Variants in TMEM50B observed in about 807,000 individuals in gnomAD.
TMEM50B encodes HCV p7-trans-regulated protein 3.
In TMEM50B, 14 loss-of-function variants were observed where a neutral mutation model predicts 23.4. That is an observed-to-expected ratio of 0.60 (90% confidence interval 0.39 to 0.93). The LOEUF is 0.93. Among genes scored for constraint, TMEM50B ranks in the 40% least tolerant of loss-of-function variants. The probability of loss-of-function intolerance (pLI) is 0.00; values close to 1 mark genes in which losing one functional copy is unlikely to be tolerated. For missense variants in TMEM50B, 159 were observed against 193.0 expected (o/e 0.82, Z 1.04); for synonymous variants, 64 against 62.3 (o/e 1.03, Z -0.13).
At chr21:33,461,035 T>G (rs1414861997) in intron 4 of TMEM50B, among the ~76,000 whole-genome samples, 1 of 152,222 alleles carries the variant, frequency 6.6e-6, no homozygotes, top group Non-Finnish European at 1.5e-5. Context: ...CAGAAGTATC[T>G]CTTCAACCCT....
chr21:33,473,165 A>C (rs1363293785), intron 1 of TMEM50B, among the ~76,000 whole-genome samples: 2 of 151,914 alleles, frequency 1.3e-5, no homozygotes, highest in African/African-American at 4.8e-5. Flanking sequence ...AAGACAAAAA[A>C]AATCAGGCCA....
intron 8 of TMEM50B, among the ~76,000 whole-genome samples, chr21:33,436,227 T>TGC (rs2083949260): frequency 2.7e-5 from 4 of 149,052 alleles, no homozygotes; most frequent in Non-Finnish European, 5.9e-5. Context: ...TGGTGGTGCA[T>TGC]GCCTGTAATC....
intron 1 of TMEM50B, among the ~76,000 whole-genome samples, chr21:33,478,350 C>A (rs912780060): frequency 1.3e-5 from 2 of 151,852 alleles, no homozygotes; most frequent in Non-Finnish European, 2.9e-5. Flanking sequence ...GCCTGTGATC[C>A]CAGCTACTCG....
intron 3 of TMEM50B, among the ~76,000 whole-genome samples, chr21:33,466,285 T>C (rs2084263922): frequency 6.6e-6 from 1 of 152,082 alleles, no homozygotes; most frequent in Non-Finnish European, 1.5e-5. Flanking sequence ...CTCCTGATGG[T>C]ATAAGGAAAT....
intron 6 of TMEM50B, 22 bp downstream of exon 6, chr21:33,455,705 G>A (rs2084162459): frequency 3.8e-6 from 6 of 1,598,488 alleles, no homozygotes; most frequent in African/African-American, 1.3e-5. Flanking sequence ...TACAGGCGTG[G>A]TTAAAAAATA....
At chr21:33,457,294 G>T (rs1161574061) in intron 5 of TMEM50B, among the ~76,000 whole-genome samples, 2 of 151,770 alleles carry the variant, frequency 1.3e-5, no homozygotes, top group African/African-American at 4.8e-5. Flanking sequence ...TAATGCTGTT[G>T]AAATAGAAAG....
intron 6 of TMEM50B, among the ~76,000 whole-genome samples, chr21:33,451,756 C>T (rs761788664): frequency 1.3e-5 from 2 of 152,100 alleles, no homozygotes; most frequent in Non-Finnish European, 2.9e-5. Flanking sequence ...CTGTGACTCA[C>T]TGGCATATAA....
At chr21:33,465,534 C>T in intron 3 of TMEM50B, 125 bp from the exon 4 acceptor site, 2 of 683,472 alleles carry the variant, frequency 2.9e-6, no homozygotes, top group Non-Finnish European at 2.3e-6. Flanking sequence ...AATAATTTAA[C>T]ATATTTTTAA....
chr21:33,434,378 C>T (rs78430925), intron 8 of TMEM50B, among the ~76,000 whole-genome samples: 3 of 151,938 alleles, frequency 2.0e-5, no homozygotes, highest in African/African-American at 4.8e-5. Context: ...AAAAATTAGC[C>T]GGGCGTGGTG....
intron 1 of TMEM50B, chr21:33,478,950 G>T: frequency 2.5e-6 from 1 of 406,662 alleles, no homozygotes. Flanking sequence ...GTCTTACAGC[G>T]CGATGTAAGA....
downstream of TMEM50B, among the ~76,000 whole-genome samples, chr21:33,445,529 G>A (rs761897151): frequency 2.0e-5 from 3 of 152,240 alleles, no homozygotes; most frequent in Admixed American, 6.5e-5. Context: ...TGCCGGGCAC[G>A]GCGCCTGTAA....
intron 1 of TMEM50B, among the ~76,000 whole-genome samples, chr21:33,477,909 G>A (rs2084389086): frequency 6.6e-6 from 1 of 151,750 alleles, no homozygotes; most frequent in Non-Finnish European, 1.5e-5. Flanking sequence ...GCTGAGGCAG[G>A]TGGATCACGA....
chr21:33,438,455 G>A (rs1231023152), intron 8 of TMEM50B, among the ~76,000 whole-genome samples: 1 of 152,170 alleles, frequency 6.6e-6, no homozygotes. Flanking sequence ...CAAGTCATCT[G>A]ATTGTGTCAG....
chr21:33,447,461 G>T (rs2084072890), downstream of TMEM50B, among the ~76,000 whole-genome samples: 1 of 152,002 alleles, frequency 6.6e-6, no homozygotes, highest in Non-Finnish European at 1.5e-5. Flanking sequence ...CCATAAAAAA[G>T]AACAATGAAA....
At chr21:33,456,625 G>C (rs2084170805) in intron 5 of TMEM50B, among the ~76,000 whole-genome samples, 1 of 152,160 alleles carries the variant, frequency 6.6e-6, no homozygotes. Flanking sequence ...CAATACAGCA[G>C]CATGGTTAAG....
At chr21:33,474,562 T>C (rs2084348526) in intron 1 of TMEM50B, among the ~76,000 whole-genome samples, 1 of 149,968 alleles carries the variant, frequency 6.7e-6, no homozygotes, top group South Asian at 2.1e-4. Context: ...GGTGGGTGGA[T>C]TACCTGAGGT....
intron 1 of TMEM50B, among the ~76,000 whole-genome samples, chr21:33,476,029 TAAG>T (rs745555819): frequency 6.6e-6 from 1 of 152,214 alleles, no homozygotes; most frequent in Admixed American, 6.5e-5. Context: ...CACTTCGTGG[TAAG>T]AAGAGTAATA....
intron 3 of TMEM50B, 75 bp downstream of exon 3, chr21:33,466,935 A>G (rs2084269492): frequency 8.8e-7 from 1 of 1,138,242 alleles, no homozygotes; most frequent in Non-Finnish European, 1.3e-6. Flanking sequence ...AAAGTTATTC[A>G]AGAAAGCACT....
intron 1 of TMEM50B, chr21:33,479,175 C>T (rs1373409942): frequency 5.3e-6 from 1 of 188,268 alleles, no homozygotes; most frequent in African/African-American, 2.4e-5. Flanking sequence ...GGCTAAAAAC[C>T]GAAACGGTCC....
Sources: allele counts gnomAD v4.1 joint callset (sites outside exome capture counted in the v4.1 genomes callset), GRCh38; gene constraint gnomAD v4.1.1; transcripts MANE v1.5; gene names NCBI Gene and HGNC (gene_info 2026-07-23, HGNC 2026-07-21).